Variants in WDR75 observed in about 807,000 individuals in gnomAD.
WDR75 encodes WD repeat domain 75.
Under a neutral mutation model 106.1 loss-of-function variants are expected in WDR75, and 52 were observed. The ratio of observed to expected loss-of-function variants is 0.49; its 90% confidence interval spans 0.39 to 0.62. The LOEUF (loss-of-function observed/expected upper bound fraction) is 0.62. Among genes scored for constraint, WDR75 ranks in the 20% least tolerant of loss-of-function variants. The pLI, the probability that WDR75 is intolerant of heterozygous loss-of-function variation, is 0.00. For synonymous variants in WDR75, 333 were observed against 335.5 expected (o/e 0.99, Z 0.08); for missense variants, 905 against 970.3 (o/e 0.93, Z 0.89).
chr2:189,461,400 T>G (rs981669436), intron 8 of WDR75, among the ~76,000 whole-genome samples: 1 of 152,156 alleles, frequency 6.6e-6, no homozygotes, highest in African/African-American at 2.4e-5. Context: ...AGAATTGATG[T>G]TTTTATAGTA....
chr2:189,441,664 G>A, intron 1 of WDR75, 86 bp downstream of exon 1: 1 of 1,439,944 alleles, frequency 6.9e-7, no homozygotes, highest in Non-Finnish European at 9.5e-7. Context: ...AGTCGCGTTC[G>A]GACTCGCCCG....
chr2:189,448,699 T>C, intron 2 of WDR75, 191 bp downstream of exon 2: 1 of 736,134 alleles, frequency 1.4e-6, no homozygotes, highest in South Asian at 1.5e-5. Flanking sequence ...TTCCACAGAA[T>C]GCTAAGAGGT....
chr2:189,462,424 T>G, intron 8 of WDR75, 60 bp from the exon 9 acceptor site: 1 of 1,572,714 alleles, frequency 6.4e-7, no homozygotes, highest in Non-Finnish European at 8.6e-7. Flanking sequence ...TTAATTATAT[T>G]TTTCTTTCTC....
rs1348445175 is a variant in WDR75, at chr2:189,460,530, G to A, written c.778+1106G>A. 1.1e-4 allele frequency among the ~76,000 whole-genome samples: 17 copies of A among 150,808 alleles called. 1 individual carries two copies. Among genetic ancestry groups the A allele is most frequent in the African/African-American group, 4.2e-4 (17 of 40,924 alleles). On this transcript the variant is annotated intron_variant, in intron 8 of 20. Coordinates refer to ENST00000314761, the MANE Select transcript of WDR75 (RefSeq NM_032168.3). Reference sequence around the variant, plus strand: ...CAGGGGTTTTTTTTTTTTTAGACAAGGTCTCACTTTGTTACCCAAGCTGGA... The same window carrying A: ...CAGGGGTTTTTTTTTTTTTAGACAAAGTCTCACTTTGTTACCCAAGCTGGA...
chr2:189,467,403 G>T, intron 13 of WDR75, 65 bp from the exon 14 acceptor site: 1 of 1,474,544 alleles, frequency 6.8e-7, no homozygotes, highest in Non-Finnish European at 9.1e-7. Flanking sequence ...GAAACTAGGG[G>T]GAACTACTGT....
intron 9 of WDR75, 70 bp downstream of exon 9, chr2:189,462,712 G>T: frequency 7.1e-7 from 1 of 1,412,214 alleles, no homozygotes; most frequent in South Asian, 1.3e-5. Context: ...GTAGGGAACA[G>T]AGAATAAAGA....
intron 6 of WDR75, 76 bp from the exon 7 acceptor site, chr2:189,458,675 ACT>A: frequency 7.9e-7 from 1 of 1,267,848 alleles, no homozygotes; most frequent in South Asian, 2.1e-5. Context: ...ATTGCTGGGA[ACT>A]CTCTTTTACT....
At chr2:189,468,787 C>T (rs539446458) in intron 15 of WDR75, among the ~76,000 whole-genome samples, 1 of 152,244 alleles carries the variant, frequency 6.6e-6, no homozygotes, top group East Asian at 1.9e-4. Context: ...TTCCATTATC[C>T]TTACCTTTTT....
At chr2:189,460,043 A>T (rs1686829364) in intron 8 of WDR75, among the ~76,000 whole-genome samples, 1 of 152,228 alleles carries the variant, frequency 6.6e-6, no homozygotes, top group Admixed American at 6.5e-5. Flanking sequence ...AGCGAGTAAA[A>T]ATACCTTTAA....
chr2:189,469,345 G>A lies in WDR75; in HGVS notation c.1725G>A (p.Leu575=). ...LCCWNLLSCA[L]EWNAKLNVRV... ...AATCACCTTTGTTTTTCCCCTCAGTGGAGTGGAATGCAAAATTAAATGTTA... is the reference window on the plus strand; with the variant it reads ...AATCACCTTTGTTTTTCCCCTCAGTAGAGTGGAATGCAAAATTAAATGTTA... Residue 575 remains leucine (L), a splice_region_variant and synonymous_variant, in exon 16 of 21, where the codon TTG becomes TTA. Transcript: ENST00000314761. 1 of 1,608,878 alleles carries A rather than the reference G, an allele frequency of 6.2e-7. No homozygotes were observed. Among genetic ancestry groups the A allele is most frequent in the East Asian group, 2.2e-5 (1 of 44,830 alleles).
chr2:189,456,283 G>T (rs754413136), intron 5 of WDR75, among the ~76,000 whole-genome samples: 1 of 152,044 alleles, frequency 6.6e-6, no homozygotes, highest in Non-Finnish European at 1.5e-5. Context: ...TTTACCTAGC[G>T]ATTCCATTCC....
In WDR75 at chr2:189,462,644, T is replaced by G. The variant is rs551406484; in HGVS notation, c.937+2T>G. 36 of 1,612,802 alleles carry G rather than the reference T, an allele frequency of 2.2e-5. 1 individual carries two copies. The South Asian group carries it at 3.8e-4, about 17-fold the overall frequency. ...TCTGCACTTCTCACTCTGATAATAG[T>G]AAGTCTAAATTTTTTATTATGAGGA... On this transcript the variant is annotated splice_donor_variant, in intron 9 of 20. Coordinates refer to ENST00000314761, the MANE Select transcript of WDR75 (RefSeq NM_032168.3). LOFTEE classifies it high-confidence loss of function.
intron 1 of WDR75, among the ~76,000 whole-genome samples, chr2:189,442,485 C>CT (rs1358488483): frequency 8.2e-6 from 1 of 121,518 alleles, no homozygotes; most frequent in Non-Finnish European, 1.6e-5. Context: ...GAATCTCACT[C>CT]TGTCACCCAG....
At chr2:189,450,452 T>A in intron 2 of WDR75, 1 of 862,294 alleles carries the variant, frequency 1.2e-6, no homozygotes, top group Non-Finnish European at 1.4e-6. Context: ...AACCTCAGCC[T>A]CCCAAGTAGC....
At chr2:189,473,141 T>C (rs1294098522) in intron 18 of WDR75, among the ~76,000 whole-genome samples, 1 of 151,802 alleles carries the variant, frequency 6.6e-6, no homozygotes, top group Non-Finnish European at 1.5e-5. Context: ...CACTGGAACC[T>C]GGGAGATGGC....
At chr2:189,451,094 A>T in intron 3 of WDR75, 126 bp downstream of exon 3, 1 of 1,213,684 alleles carries the variant, frequency 8.2e-7, no homozygotes, top group Non-Finnish European at 1.1e-6. Flanking sequence ...ACAAAATAAC[A>T]TCAAAAAAAT....
At chr2:189,470,037 C>T in intron 16 of WDR75, 39 bp from the exon 17 acceptor site, 1 of 1,585,142 alleles carries the variant, frequency 6.3e-7, no homozygotes, top group Non-Finnish European at 8.6e-7. Context: ...CTAACCTTTT[C>T]AGGCAAAATG....
At chr2:189,441,712 T>C (rs1215068476) in intron 1 of WDR75, 134 bp downstream of exon 1, 2 of 1,001,534 alleles carry the variant, frequency 2.0e-6, no homozygotes, top group African/African-American at 3.2e-5. Flanking sequence ...CACGCGCCTG[T>C]GGGGGATCCC....
chr2:189,450,800 A>G, intron 2 of WDR75, 103 bp from the exon 3 acceptor site: 1 of 1,541,462 alleles, frequency 6.5e-7, no homozygotes, highest in East Asian at 2.4e-5. Context: ...TTAACAGTGA[A>G]TTAATGAATA....
Sources: gnomAD v4.1 joint callset for allele counts (sites outside exome capture counted in the v4.1 genomes callset) on GRCh38, gnomAD v4.1.1 for gene constraint, MANE v1.5 for transcripts, NCBI Gene and HGNC (gene_info 2026-07-23, HGNC 2026-07-21) for gene names.